Variants in SEMA6D observed in about 807,000 individuals in gnomAD.
The protein encoded by SEMA6D is semaphorin 6D, also known as semaphorin-6D.
A neutral mutation model predicts 106.6 loss-of-function variants in SEMA6D; 35 were observed. The ratio of observed to expected loss-of-function variants is 0.33; its 90% CI spans 0.25 to 0.44. The LOEUF is 0.44. Ranked by LOEUF, SEMA6D falls within the 20% of genes least tolerant of loss-of-function variation. The probability of loss-of-function intolerance (pLI) is 1.00; values close to 1 mark genes in which losing one functional copy is unlikely to be tolerated. For synonymous variants in SEMA6D, 499 were observed against 487.7 expected (o/e 1.02, Z -0.31); for missense variants, 1,185 against 1,345.9 (o/e 0.88, Z 1.87).
chr15:47,305,744 A>G (rs2036206602), intron 1 of SEMA6D, among the ~76,000 whole-genome samples: 1 of 152,160 alleles, frequency 6.6e-6, no homozygotes, highest in African/African-American at 2.4e-5. Flanking sequence ...TTCTGACCAC[A>G]TGGCAGTTCT....
intron 4 of SEMA6D, among the ~76,000 whole-genome samples, chr15:47,615,422 A>G (rs1596454569): frequency 6.6e-6 from 1 of 152,192 alleles, no homozygotes; most frequent in South Asian, 2.1e-4. Flanking sequence ...TATACATGAC[A>G]ACTTCCATGA....
At chr15:47,716,515 T>G (rs1191772376), upstream of SEMA6D, among the ~76,000 whole-genome samples, 1 of 152,160 alleles carries the variant, frequency 6.6e-6, no homozygotes, top group Non-Finnish European at 1.5e-5. Context: ...CGGAAAAAGC[T>G]CTCTTCTTTT....
chr15:47,711,309 C>CAAAAAA (rs10672105), intron 4 of SEMA6D, among the ~76,000 whole-genome samples: 2 of 97,812 alleles, frequency 2.0e-5, no homozygotes, highest in African/African-American at 4.1e-5. Context: ...GACTCCGTCT[C>CAAAAAA]AAAAAAAAAA....
At chr15:47,716,134 G>C (rs189189765), upstream of SEMA6D, among the ~76,000 whole-genome samples, 3 of 152,282 alleles carry the variant, frequency 2.0e-5, no homozygotes, top group East Asian at 5.8e-4. Context: ...GAGCTGTGTT[G>C]CCAAAGCTGT....
chr15:47,479,273 G>A (rs1009361611), intron 3 of SEMA6D, among the ~76,000 whole-genome samples: 9 of 152,034 alleles, frequency 5.9e-5, no homozygotes, highest in African/African-American at 7.2e-5. Context: ...TGCCTTGCTC[G>A]GTTTGAAGCA....
intron 1 of SEMA6D, among the ~76,000 whole-genome samples, chr15:47,285,339 A>T (rs2035311971): frequency 6.6e-6 from 1 of 152,134 alleles, no homozygotes; most frequent in Non-Finnish European, 1.5e-5. Context: ...AGGACAGATC[A>T]CAAAGATGGC....
intron 4 of SEMA6D, among the ~76,000 whole-genome samples, chr15:47,648,099 A>G (rs2077615750): frequency 6.6e-6 from 1 of 152,164 alleles, no homozygotes; most frequent in Non-Finnish European, 1.5e-5. Context: ...ATGTCTTTTT[A>G]TGGGCCTGTT....
Position 47,761,711 on chromosome 15 carries a change from C to G in SEMA6D, c.498C>G (p.Cys166Trp), listed in dbSNP as rs1210092183. 6.2e-7 allele frequency: 1 copy of G among 1,613,134 alleles called. No homozygotes were observed. Among genetic ancestry groups the G allele is most frequent in the Non-Finnish European group, 8.5e-7 (1 of 1,179,586 alleles). ...AAGAAATTAGTGGCCTGGCAAGATG[C>G]CCATTTGATGCCAGACAAACCAATG... Reference protein sequence around the residue: ...DGEEISGLARCPFDARQTNVA... With the variant: ...DGEEISGLARWPFDARQTNVA... Residue 166 changes from cysteine (C) to tryptophan (W), a missense_variant, in exon 7 of 19, where the codon TGC (cysteine) becomes TGG (tryptophan). Physicochemically the swap from Cys to Trp is radical, Grantham distance 215. Transcript: ENST00000536845.
chr15:47,201,877 G>A (rs947177531), intron 1 of SEMA6D, among the ~76,000 whole-genome samples: 2 of 151,948 alleles, frequency 1.3e-5, no homozygotes, highest in African/African-American at 2.4e-5. Context: ...CAGCCCAGAC[G>A]GCATGCCTTA....
In SEMA6D at chr15:47,771,397, T is replaced by C. The variant is rs1456867471; in HGVS notation, c.2834T>C (p.Val945Ala). 13 of 1,613,726 alleles carry C rather than the reference T, an allele frequency of 8.1e-6. No homozygotes were observed. Among genetic ancestry groups the C allele is most frequent in the Non-Finnish European group, 1.0e-5 (12 of 1,179,964 alleles). ...TLPRNSPTKR[V>A]DVPTTPGVPM... is the part of the protein sequence containing the mutation. ...CCCAGAAATAGCCCAACCAAGCGAG[T>C]GGATGTCCCCACCACTCCTGGAGTC... The change falls in exon 19 of 19, where the codon GTG becomes GCG. Residue 945 changes from valine to alanine, a missense_variant. Transcript: ENST00000536845.
intron 17 of SEMA6D, 48 bp from the exon 18 acceptor site, chr15:47,768,533 A>C: frequency 7.0e-7 from 1 of 1,433,696 alleles, no homozygotes; most frequent in Non-Finnish European, 9.3e-7. Flanking sequence ...CCAATCAAAA[A>C]AAATCTTGAC....
chr15:47,734,254 A>G (rs2080315560), intron 1 of SEMA6D, among the ~76,000 whole-genome samples: 1 of 152,182 alleles, frequency 6.6e-6, no homozygotes, highest in Admixed American at 6.5e-5. Context: ...TATTCATGCA[A>G]CAGATAATTT....
At chr15:47,415,644 C>T (rs556188470) in intron 2 of SEMA6D, among the ~76,000 whole-genome samples, 1 of 152,220 alleles carries the variant, frequency 6.6e-6, no homozygotes, top group South Asian at 2.1e-4. Context: ...AGTGTTTGAT[C>T]TGTAAGACAA....
intron 1 of SEMA6D, among the ~76,000 whole-genome samples, chr15:47,379,246 A>G (rs184825327): frequency 1.3e-5 from 2 of 152,212 alleles, no homozygotes; most frequent in African/African-American, 4.8e-5. Context: ...GGAGCTGCTT[A>G]TGCCTTCCTC....
intron 1 of SEMA6D, among the ~76,000 whole-genome samples, chr15:47,739,858 A>G (rs2146984994): frequency 6.6e-6 from 1 of 152,360 alleles, no homozygotes; most frequent in East Asian, 1.9e-4. Flanking sequence ...GCTAATAATA[A>G]TATCAACACA....
intron 3 of SEMA6D, among the ~76,000 whole-genome samples, chr15:47,509,412 A>T (rs897277110): frequency 2.6e-5 from 4 of 152,168 alleles, no homozygotes; most frequent in African/African-American, 9.7e-5. Context: ...TGGCTTAATT[A>T]TCAAACCCTC....
intron 2 of SEMA6D, among the ~76,000 whole-genome samples, chr15:47,453,469 T>C (rs936799642): frequency 6.6e-6 from 1 of 152,010 alleles, no homozygotes; most frequent in Non-Finnish European, 1.5e-5. Flanking sequence ...ATTTTACAAA[T>C]CAGCTATTAA....
At chr15:47,652,931 A>C (rs1798501726) in intron 4 of SEMA6D, among the ~76,000 whole-genome samples, 3 of 152,210 alleles carry the variant, frequency 2.0e-5, no homozygotes, top group African/African-American at 4.8e-5. Context: ...ATCATTTTTC[A>C]GTGACAGCAA....
intron 1 of SEMA6D, among the ~76,000 whole-genome samples, chr15:47,743,823 C>T (rs2080959791): frequency 6.6e-6 from 1 of 152,150 alleles, no homozygotes; most frequent in Non-Finnish European, 1.5e-5. Flanking sequence ...CAAATGCTGT[C>T]CTCTGGTCCC....
Sources: allele counts gnomAD v4.1 joint callset (sites outside exome capture counted in the v4.1 genomes callset), GRCh38; gene constraint gnomAD v4.1.1; transcripts MANE v1.5; gene names NCBI Gene and HGNC (gene_info 2026-07-23, HGNC 2026-07-21).